FBN1: variants seen among roughly 807,000 people sequenced by gnomAD.
FBN1 encodes the protein fibrillin-1.
A neutral mutation model predicts 365.1 loss-of-function variants in FBN1; 29 were observed. The ratio of observed to expected loss-of-function variants is 0.08; its 90% CI spans 0.06 to 0.11. The LOEUF is 0.11. FBN1 is among the 10% of genes least tolerant of loss of function. FBN1 has a pLI of 1.00. For missense variants in FBN1, 2,476 were observed against 3,703.2 expected, an observed-to-expected ratio of 0.67 and a Z score of 8.60; for synonymous variants, 1,210 against 1,270.5, an observed-to-expected ratio of 0.95 and a Z score of 1.01.
chr15:48,494,332 G>A (rs934876405), intron 22 of FBN1, 78 bp from the exon 23 acceptor site: 1 of 1,070,550 alleles, frequency 9.3e-7, no homozygotes, highest in South Asian at 1.3e-5. Flanking sequence ...CTGACATAGT[G>A]TAAGAAACAT....
chr15:48,453,843 A>G (rs1221168233), intron 44 of FBN1, among the ~76,000 whole-genome samples: 1 of 152,046 alleles, frequency 6.6e-6, no homozygotes. Flanking sequence ...TAAAAAAAAA[A>G]GAAAGAAAGA....
At chr15:48,605,025 A>T (rs2044595673) in intron 4 of FBN1, among the ~76,000 whole-genome samples, 1 of 152,202 alleles carries the variant, frequency 6.6e-6, no homozygotes, top group African/African-American at 2.4e-5. Flanking sequence ...CATTGAATTG[A>T]AGTAAATTAA....
chr15:48,562,333 T>C (rs2044228702), intron 6 of FBN1, among the ~76,000 whole-genome samples: 1 of 152,186 alleles, frequency 6.6e-6, no homozygotes, highest in African/African-American at 2.4e-5. Context: ...TCAGGGAAAC[T>C]TTACAATTCT....
At chr15:48,512,671 C>T (rs1355979423) in intron 13 of FBN1, among the ~76,000 whole-genome samples, 1 of 152,140 alleles carries the variant, frequency 6.6e-6, no homozygotes, top group South Asian at 2.1e-4. Flanking sequence ...TTTTTTATGG[C>T]TGCATAATAT....
At chr15:48,420,145 A>C (rs1443093321) in intron 63 of FBN1, among the ~76,000 whole-genome samples, 1 of 143,622 alleles carries the variant, frequency 7.0e-6, no homozygotes, top group Non-Finnish European at 1.5e-5. Flanking sequence ...ATTTAATGAG[A>C]GAGTCAGTAG....
At chr15:48,582,231 A>G (rs2044399327) in intron 6 of FBN1, among the ~76,000 whole-genome samples, 2 of 152,240 alleles carry the variant, frequency 1.3e-5, no homozygotes, top group South Asian at 4.1e-4. Context: ...TTTCCAGTCA[A>G]CAAATACTTG....
At chr15:48,434,947 T>C (rs575570171) in intron 53 of FBN1, among the ~76,000 whole-genome samples, 1 of 151,954 alleles carries the variant, frequency 6.6e-6, no homozygotes, top group African/African-American at 2.4e-5. Context: ...TGGGTGCACA[T>C]CACCACGCTC....
At chr15:48,446,618 G>C in intron 47 of FBN1, 88 bp downstream of exon 47, 1 of 835,344 alleles carries the variant, frequency 1.2e-6, no homozygotes, top group Non-Finnish European at 2.1e-6. Context: ...ATTTTTAAAA[G>C]ACAGCTGGAA....
chr15:48,596,228 G>A, intron 6 of FBN1, 55 bp downstream of exon 6: 1 of 1,504,206 alleles, frequency 6.6e-7, no homozygotes, highest in Non-Finnish European at 9.2e-7. Context: ...GTGCAAATTA[G>A]TAACAGCTTT....
chr15:48,636,270 G>A (rs925679666), intron 2 of FBN1, among the ~76,000 whole-genome samples: 2 of 152,158 alleles, frequency 1.3e-5, no homozygotes, highest in African/African-American at 4.8e-5. Context: ...CTGCTCTAAA[G>A]ACCATGTAGA....
rs1472819254 is a variant in FBN1, at chr15:48,441,796, T to C, written c.6088A>G (p.Ser2030Gly). Residue 2030 changes from serine to glycine, a missense_variant, in exon 50 of 66, where the codon AGT becomes GGT. Ser to Gly is a moderately conservative substitution (Grantham distance 56, BLOSUM62 0). Transcript: ENST00000316623. ...EPEICALGTC[S>G]NTEGSFKCLC... ...CATTTGAAGCTGCCTTCAGTGTTAC[T>C]GCATGTGCCCAGGGCACAAATTTCT... is the stretch of plus-strand genomic sequence containing the variant. 1 of 1,613,544 alleles carries C rather than the reference T, an allele frequency of 6.2e-7. No individual in the cohort carries two copies.
chr15:48,425,263 T>G, intron 60 of FBN1, 106 bp downstream of exon 60: 1 of 1,504,602 alleles, frequency 6.6e-7, no homozygotes, highest in South Asian at 1.1e-5. Flanking sequence ...AAGCACCTCC[T>G]GCCTGTAGAG....
intron 32 of FBN1, among the ~76,000 whole-genome samples, chr15:48,477,038 T>C (rs1386063420): frequency 6.6e-6 from 1 of 152,156 alleles, no homozygotes; most frequent in Admixed American, 6.5e-5. Flanking sequence ...TAATATCTTC[T>C]ACTAAGCATA....
chr15:48,589,609 CTTTTT>C (rs756647308), intron 6 of FBN1, among the ~76,000 whole-genome samples: 3 of 108,720 alleles, frequency 2.8e-5, no homozygotes, highest in African/African-American at 8.5e-5. Context: ...TTGTTACTTT[CTTTTT>C]TTTTTTTTTT....
At position 48,496,158 on chromosome 15, in the gene FBN1, A is replaced by C; in HGVS notation, c.2361T>G (p.Ser787Arg). 1 of 1,613,836 alleles carries C rather than the reference A, an allele frequency of 6.2e-7. No individual in the cohort carries two copies. The highest frequency in any genetic ancestry group is 8.5e-7 in the Non-Finnish European group (1 of 1,179,826). Reference protein sequence around the residue: ...DNGQCRNTPGSFVCTCPKGFI... With the variant: ...DNGQCRNTPGRFVCTCPKGFI... ...ATCCCTTGGGGCAGGTACAGACAAA[A>C]CTTCCAGGAGTATTTCTACATTGTC... The change falls in exon 20 of 66, where the codon AGT becomes AGG. Residue 787 changes from serine to arginine, a missense_variant. Coordinates refer to ENST00000316623, the MANE Select transcript of FBN1 (RefSeq NM_000138.5).
At position 48,425,736 on chromosome 15, in the gene FBN1, T is replaced by C. The variant is rs2042974020; in HGVS notation, c.7330+3A>G. 6.2e-7 allele frequency: 1 copy of C among 1,613,284 alleles called. No individual in the cohort carries two copies. The highest frequency in any genetic ancestry group is 1.7e-5 in the Admixed American group (1 of 60,004). On this transcript the variant is annotated splice_donor_region_variant and intron_variant, in intron 59 of 65. Transcript: ENST00000316623. ...GGATAAGCCATCAGAAATAGACACTTACCTACACAGGAAGTCCCAGTTATA... is the reference window on the plus strand; with the variant it reads ...GGATAAGCCATCAGAAATAGACACTCACCTACACAGGAAGTCCCAGTTATA...
intron 14 of FBN1, among the ~76,000 whole-genome samples, chr15:48,509,464 A>C (rs867201937): frequency 1.4e-5 from 2 of 147,776 alleles, no homozygotes; most frequent in African/African-American, 4.9e-5. Context: ...TATATAATGT[A>C]TTTTAAATAT....
rs781310431 is a variant in FBN1 at position 48,625,320 on chromosome 15, T to C, written c.165-12228A>G. Among the ~76,000 whole-genome samples, 93 of 152,324 alleles carry C rather than the reference T, an allele frequency of 6.1e-4. 3 individuals are homozygous for C. The highest frequency in any genetic ancestry group is 1.3e-4 in the Non-Finnish European group (9 of 68,030). On this transcript the variant is annotated intron_variant, in intron 2 of 65. Transcript: ENST00000316623. Reference sequence around the variant, plus strand: ...GGGAACCTGACCACAACTTAAAATGTTGTTTCTATGGGAAAACACATTCCA... The same window carrying C: ...GGGAACCTGACCACAACTTAAAATGCTGTTTCTATGGGAAAACACATTCCA...
At chr15:48,562,085 G>A (rs973069038) in intron 6 of FBN1, among the ~76,000 whole-genome samples, 6 of 152,106 alleles carry the variant, frequency 3.9e-5, no homozygotes, top group African/African-American at 1.4e-4. Flanking sequence ...GGGCAACACT[G>A]GACTGGATGT....
Sources: gnomAD v4.1 joint callset for allele counts (sites outside exome capture counted in the v4.1 genomes callset) on GRCh38, gnomAD v4.1.1 for gene constraint, MANE v1.5 for transcripts, NCBI Gene and HGNC (gene_info 2026-07-23, HGNC 2026-07-21) for gene names.